DOCK4: variants seen among roughly 807,000 people sequenced by gnomAD.
DOCK4 encodes dedicator of cytokinesis protein 4.
Under a neutral mutation model 268.1 loss-of-function variants are expected in DOCK4, and 97 were observed. The ratio of observed to expected loss-of-function variants is 0.36; its 90% confidence interval spans 0.31 to 0.43. DOCK4 has a LOEUF of 0.43. DOCK4 is among the 20% of genes least tolerant of loss of function. The pLI, the probability that DOCK4 is intolerant of heterozygous loss-of-function variation, is 1.00. For synonymous variants in DOCK4, 954 were observed against 887.2 expected (o/e 1.08, Z -1.34); for missense variants, 2,145 against 2,455.7 (o/e 0.87, Z 2.67).
At chr7:111,877,890 C>G (rs1037883431) in intron 16 of DOCK4, among the ~76,000 whole-genome samples, 1 of 152,162 alleles carries the variant, frequency 6.6e-6, no homozygotes, top group Admixed American at 6.5e-5. Context: ...TAGCGACATA[C>G]AGATTACTTC....
At chr7:112,030,260 T>A (rs1455056431) in intron 1 of DOCK4, among the ~76,000 whole-genome samples, 1 of 152,238 alleles carries the variant, frequency 6.6e-6, no homozygotes, top group Non-Finnish European at 1.5e-5. Flanking sequence ...AGGGCTGGGA[T>A]GAGCATTCAT....
intron 39 of DOCK4, among the ~76,000 whole-genome samples, chr7:111,764,680 CT>C (rs900494306): frequency 1.7e-4 from 26 of 151,954 alleles, no homozygotes; most frequent in African/African-American, 6.3e-4. Context: ...TGACATTTAT[CT>C]TTTTACAAAT....
chr7:112,032,590 A>G (rs1803375772), intron 1 of DOCK4, among the ~76,000 whole-genome samples: 1 of 152,210 alleles, frequency 6.6e-6, no homozygotes, highest in South Asian at 2.1e-4. Context: ...TCCCTACACA[A>G]CAATGTGTTG....
At chr7:111,993,919 A>C (rs981028580) in intron 5 of DOCK4, among the ~76,000 whole-genome samples, 3 of 152,222 alleles carry the variant, frequency 2.0e-5, no homozygotes, top group Non-Finnish European at 2.9e-5. Flanking sequence ...CCAGAAAAAT[A>C]ATCTTTTATA....
intron 27 of DOCK4, chr7:111,819,774 G>A (rs1482481287): frequency 6.6e-6 from 1 of 152,202 alleles, no homozygotes; most frequent in Non-Finnish European, 1.5e-5. Flanking sequence ...TCAGCCACCT[G>A]CTATCAATTT....
Position 111,741,676 on chromosome 7 carries a change from A to T in DOCK4, c.4798-15T>A, listed in dbSNP as rs1055382899. 6.2e-7 allele frequency: 1 copy of T among 1,611,182 alleles called. No homozygotes were observed. Among genetic ancestry groups the T allele is most frequent in the Non-Finnish European group, 8.5e-7 (1 of 1,179,020 alleles). On this transcript the variant is annotated splice_polypyrimidine_tract_variant and intron_variant, in intron 45 of 52. Transcript: ENST00000428084. ...GCAGAGAACTCCTAAAGATGTAGTA[A>T]AGGAAATATCTCATTACAGTAATGA...
At chr7:111,974,492 A>ATGTGTG (rs59409689) in intron 8 of DOCK4, among the ~76,000 whole-genome samples, 2,843 of 84,316 alleles carry the variant, frequency 0.034, 134 homozygotes, top group East Asian at 0.082. Flanking sequence ...TTGAAGAGGG[A>ATGTGTG]TGTGTGTGTG....
intron 20 of DOCK4, among the ~76,000 whole-genome samples, chr7:111,871,263 C>T (rs1806407855): frequency 6.6e-6 from 1 of 152,184 alleles, no homozygotes; most frequent in African/African-American, 2.4e-5. Context: ...GACTGGGAGA[C>T]AGACGATGGG....
chr7:111,941,206 T>A (rs1274809652), intron 10 of DOCK4, among the ~76,000 whole-genome samples: 3 of 152,146 alleles, frequency 2.0e-5, no homozygotes, highest in African/African-American at 4.8e-5. Flanking sequence ...ATGGCCCAAA[T>A]AAGCCAGCTG....
In DOCK4 at chr7:111,732,281, G is replaced by C; in HGVS notation, c.5426C>G (p.Pro1809Arg). Residue 1809 changes from proline (P) to arginine (R), a missense_variant, in exon 52 of 53, where the codon CCA (proline) becomes CGA (arginine). This residue lies in a region of DOCK4 where 547 missense variants were observed against 469.0 expected (regional missense o/e 1.17). Coordinates refer to ENST00000428084, the MANE Select transcript of DOCK4 (RefSeq NM_001363540.2). ...VPPRPTQTAS[P>R]ARHTTSVSPS... ...GGATACTGATGTCGTGTGTCTTGCT[G>C]GTGAAGCTGTCAATGGGGAGAGAGA... 1 of 1,613,966 alleles carries C rather than the reference G, an allele frequency of 6.2e-7. No individual in the cohort carries two copies. Among genetic ancestry groups the C allele is most frequent in the South Asian group, 1.1e-5 (1 of 91,070 alleles).
At chr7:111,864,516 C>T (rs987357560) in intron 22 of DOCK4, among the ~76,000 whole-genome samples, 8 of 152,230 alleles carry the variant, frequency 5.3e-5, no homozygotes, top group East Asian at 3.9e-4. Flanking sequence ...AAATAGGTCG[C>T]GTCTACATGT....
chr7:112,040,758 A>G (rs1804281679), intron 1 of DOCK4, among the ~76,000 whole-genome samples: 1 of 152,174 alleles, frequency 6.6e-6, no homozygotes, highest in Non-Finnish European at 1.5e-5. Context: ...CCAAAAAAAA[A>G]GTATCATTAA....
At chr7:111,995,033 TG>T (rs756477413) in intron 4 of DOCK4, among the ~76,000 whole-genome samples, 12 of 131,202 alleles carry the variant, frequency 9.1e-5, no homozygotes, top group Non-Finnish European at 1.8e-4. Context: ...AGAGAAGTTT[TG>T]TGTTTTTTTT....
At chr7:111,730,559 C>A (rs1008670557) in intron 52 of DOCK4, among the ~76,000 whole-genome samples, 7 of 152,084 alleles carry the variant, frequency 4.6e-5, no homozygotes. Context: ...AAAAGTTAGA[C>A]CTGAAATTCA....
intron 1 of DOCK4, among the ~76,000 whole-genome samples, chr7:112,167,402 C>T (rs1222813539): frequency 6.6e-6 from 1 of 151,664 alleles, no homozygotes; most frequent in Non-Finnish European, 1.5e-5. Flanking sequence ...CCCCAATGCA[C>T]AGCTGTATAG....
chr7:111,916,313 T>A (rs1297962334), intron 12 of DOCK4, among the ~76,000 whole-genome samples: 1 of 152,128 alleles, frequency 6.6e-6, no homozygotes, highest in East Asian at 1.9e-4. Context: ...AAAAGGCCTA[T>A]GAATAGTTGC....
At chr7:111,840,308 C>G (rs1469474373) in intron 25 of DOCK4, among the ~76,000 whole-genome samples, 1 of 152,228 alleles carries the variant, frequency 6.6e-6, no homozygotes, top group East Asian at 1.9e-4. Flanking sequence ...ATAAACACAT[C>G]AGAGTAGCTG....
intron 26 of DOCK4, among the ~76,000 whole-genome samples, chr7:111,824,441 T>C (rs1802242448): frequency 6.6e-6 from 1 of 152,150 alleles, no homozygotes; most frequent in African/African-American, 2.4e-5. Context: ...TCTTTGGCTT[T>C]ATGGTCTACA....
At chr7:111,954,304 C>A (rs539180323) in intron 8 of DOCK4, among the ~76,000 whole-genome samples, 1 of 152,310 alleles carries the variant, frequency 6.6e-6, no homozygotes, top group Non-Finnish European at 1.5e-5. Flanking sequence ...TCTGTCCAGG[C>A]AAGATACTTT....
Sources: gnomAD v4.1 joint callset for allele counts (sites outside exome capture counted in the v4.1 genomes callset) on GRCh38, gnomAD v4.1.1 for gene constraint, gnomAD v4.1.1 regional missense constraint, MANE v1.5 for transcripts, NCBI Gene and HGNC (gene_info 2026-07-23, HGNC 2026-07-21) for gene names.